SNCAIP: variants seen among roughly 807,000 people sequenced by gnomAD.
The protein encoded by SNCAIP is synuclein alpha interacting protein.
In SNCAIP, 43 loss-of-function variants were observed where a neutral mutation model predicts 86.7. The observed-to-expected ratio is 0.50, with a 90% CI of 0.39 to 0.64. The LOEUF (loss-of-function observed/expected upper bound fraction) is 0.64, where lower values mean the gene tolerates loss of function less well. Ranked by LOEUF, SNCAIP falls within the 30% of genes least tolerant of loss-of-function variation. SNCAIP has a pLI of 0.00. For missense variants in SNCAIP, 981 were observed against 1,103.1 expected, an observed-to-expected ratio of 0.89 and a Z score of 1.57; for synonymous variants, 417 against 427.2, an observed-to-expected ratio of 0.98 and a Z score of 0.29.
chr5:122,327,755 G>A (rs1023842833), intron 1 of SNCAIP, among the ~76,000 whole-genome samples: 9 of 152,220 alleles, frequency 5.9e-5, no homozygotes, highest in African/African-American at 1.7e-4. Context: ...GTGTGAAAAC[G>A]GACTTATATA....
intron 1 of SNCAIP, among the ~76,000 whole-genome samples, chr5:122,385,664 T>C (rs535893437): frequency 4.0e-5 from 6 of 150,632 alleles, no homozygotes; most frequent in African/African-American, 7.4e-5. Flanking sequence ...GGCATGCGTG[T>C]GCGCACGTAT....
At chr5:122,392,386 C>T (rs1305241925) in intron 2 of SNCAIP, among the ~76,000 whole-genome samples, 1 of 152,094 alleles carries the variant, frequency 6.6e-6, no homozygotes, top group Non-Finnish European at 1.5e-5. Context: ...ACGTGTCTGT[C>T]TGTCTGTCTG....
intron 3 of SNCAIP, among the ~76,000 whole-genome samples, chr5:122,410,075 A>T (rs895937888): frequency 1.4e-4 from 22 of 152,360 alleles, no homozygotes; most frequent in African/African-American, 5.0e-4. Context: ...ACTAGAGTAA[A>T]AATTTACAGA....
At chr5:122,411,983 G>C (rs1225759594) in intron 3 of SNCAIP, among the ~76,000 whole-genome samples, 1 of 152,090 alleles carries the variant, frequency 6.6e-6, no homozygotes, top group South Asian at 2.1e-4. Context: ...ATATGCAGTG[G>C]GAAACTCTCT....
chr5:122,352,618 A>G (rs1760098748), intron 1 of SNCAIP, among the ~76,000 whole-genome samples: 1 of 152,178 alleles, frequency 6.6e-6, no homozygotes, highest in African/African-American at 2.4e-5. Context: ...TGTTATCTCC[A>G]TGCAAATGAG....
chr5:122,320,885 C>A (rs561577881), intron 1 of SNCAIP, among the ~76,000 whole-genome samples: 2 of 152,322 alleles, frequency 1.3e-5, no homozygotes, highest in African/African-American at 4.8e-5. Flanking sequence ...GTCTCTCTTG[C>A]TGCAAATGAG....
intron 7 of SNCAIP, among the ~76,000 whole-genome samples, chr5:122,442,676 T>C (rs1781319118): frequency 6.6e-6 from 1 of 152,230 alleles, no homozygotes; most frequent in Non-Finnish European, 1.5e-5. Flanking sequence ...TTTAATAGTC[T>C]TGAAACAAAC....
At chr5:122,424,108 T>C (rs1398868139) in intron 4 of SNCAIP, among the ~76,000 whole-genome samples, 1 of 152,252 alleles carries the variant, frequency 6.6e-6, no homozygotes, top group Admixed American at 6.5e-5. Context: ...AATTCTTGGC[T>C]GATGGTGGAC....
chr5:122,418,837 T>C (rs967294012), intron 3 of SNCAIP, among the ~76,000 whole-genome samples: 2 of 152,132 alleles, frequency 1.3e-5, no homozygotes, highest in Non-Finnish European at 2.9e-5. Flanking sequence ...TTTGAGTGGA[T>C]TTTGGGTGAC....
intron 1 of SNCAIP, among the ~76,000 whole-genome samples, chr5:122,351,945 C>G (rs1211915613): frequency 6.6e-6 from 1 of 152,144 alleles, no homozygotes; most frequent in African/African-American, 2.4e-5. Context: ...CCCACTGATA[C>G]CCTCTAGGAG....
chr5:122,323,218 G>T (rs991027511), intron 1 of SNCAIP: 1 of 152,150 alleles, frequency 6.6e-6, no homozygotes, highest in African/African-American at 2.4e-5. Context: ...ACGTTCTGCA[G>T]ACATAAGCAC....
intron 1 of SNCAIP, among the ~76,000 whole-genome samples, chr5:122,377,322 T>C (rs1765534371): frequency 6.6e-6 from 1 of 152,156 alleles, no homozygotes; most frequent in Non-Finnish European, 1.5e-5. Flanking sequence ...TGTTTTTTCT[T>C]TGTGTATGTG....
At chr5:122,404,395 A>T (rs1283175360) in intron 3 of SNCAIP, among the ~76,000 whole-genome samples, 4 of 152,222 alleles carry the variant, frequency 2.6e-5, no homozygotes, top group Admixed American at 2.6e-4. Flanking sequence ...GAATTATGGC[A>T]TATAGATGAA....
At chr5:122,365,765 G>A (rs1038373331) in intron 1 of SNCAIP, among the ~76,000 whole-genome samples, 2 of 152,198 alleles carry the variant, frequency 1.3e-5, no homozygotes, top group African/African-American at 2.4e-5. Context: ...ATATTCTTGT[G>A]TGTCTATGCC....
At chr5:122,387,139 A>G (rs1235838152) in intron 1 of SNCAIP, among the ~76,000 whole-genome samples, 4 of 152,096 alleles carry the variant, frequency 2.6e-5, no homozygotes, top group South Asian at 2.1e-4. Flanking sequence ...TAAAAATCCT[A>G]TATAAAGGAT....
At position 122,449,680 on chromosome 5, in the gene SNCAIP, T is replaced by C. The variant is rs181622947; in HGVS notation, c.1593-165T>C. On this transcript the variant is annotated intron_variant, in intron 8 of 10. Coordinates refer to ENST00000261368, the MANE Select transcript of SNCAIP (RefSeq NM_005460.4). Reference sequence around the variant, plus strand: ...ATCTTTTTGGGGTACTTTTGATTGTTTCCTTAGGAAAATTTCTGAACCTGT... The same window carrying C: ...ATCTTTTTGGGGTACTTTTGATTGTCTCCTTAGGAAAATTTCTGAACCTGT... Among the ~76,000 whole-genome samples the C allele has an allele frequency of 1.4e-3, 214 of 152,342 alleles. 1 individual carries two copies. Among genetic ancestry groups the C allele is most frequent in the African/African-American group, 4.9e-3 (205 of 41,580 alleles).
Position 122,451,475 on chromosome 5 carries a change from CAAT to C in SNCAIP, c.2637_2639del (p.Asn880del), listed in dbSNP as rs1783669715. The stretch of plus-strand genomic sequence containing the variant: ...TGGAGACACTAAGTGGCAACCAAAA[CAAT>C]AATAATAACTACCAGGCAGCCAACC... On this transcript the variant is annotated inframe_deletion, in exon 10 of 11. Coordinates refer to ENST00000261368, the MANE Select transcript of SNCAIP (RefSeq NM_005460.4). The C allele has an allele frequency of 1.9e-6, 3 of 1,613,824 alleles. No individual in the cohort carries two copies. The Admixed American group carries it at 5.0e-5, about 27-fold the overall frequency.
intron 1 of SNCAIP, among the ~76,000 whole-genome samples, chr5:122,353,541 C>T (rs575463831): frequency 5.9e-5 from 9 of 151,988 alleles, no homozygotes; most frequent in African/African-American, 2.2e-4. Context: ...CCACAATTCC[C>T]ACATGTCATG....
At chr5:122,319,015 G>A (rs1413466154) in intron 1 of SNCAIP, among the ~76,000 whole-genome samples, 1 of 143,354 alleles carries the variant, frequency 7.0e-6, no homozygotes, top group Non-Finnish European at 1.5e-5. Flanking sequence ...AAGATTTAGA[G>A]ATTTGAAGCA....
Sources: allele counts gnomAD v4.1 joint callset (sites outside exome capture counted in the v4.1 genomes callset), GRCh38; gene constraint gnomAD v4.1.1; transcripts MANE v1.5; gene names NCBI Gene and HGNC (gene_info 2026-07-23, HGNC 2026-07-21).